RAB2A: variants seen among roughly 807,000 people sequenced by gnomAD.
RAB2A encodes the protein ras-related protein Rab-2A.
A neutral mutation model predicts 32.5 loss-of-function variants in RAB2A; 7 were observed. The ratio of observed to expected loss-of-function variants is 0.22; its 90% CI spans 0.12 to 0.40. The LOEUF is 0.40. RAB2A is among the 10% of genes least tolerant of loss of function. The pLI is 1.00. For missense variants in RAB2A, 108 were observed against 260.7 expected, an observed-to-expected ratio of 0.41 and a Z score of 4.03; for synonymous variants, 79 against 85.2, an observed-to-expected ratio of 0.93 and a Z score of 0.40.
At chr8:60,616,047 C>T (rs1037465255) in intron 6 of RAB2A, among the ~76,000 whole-genome samples, 2 of 152,012 alleles carry the variant, frequency 1.3e-5, no homozygotes, top group African/African-American at 4.8e-5. Flanking sequence ...GTAGCATTAT[C>T]CAAAGATTAT....
intron 1 of RAB2A, chr8:60,552,002 T>TTTTTTTTTTGTTTG (rs1491519770): frequency 1.0e-5 from 1 of 100,282 alleles, no homozygotes; most frequent in Non-Finnish European, 1.8e-5. Context: ...TAGCTGGGAG[T>TTTTTTTTTTGTTTG]TTTTTTTTTT....
intron 6 of RAB2A, among the ~76,000 whole-genome samples, chr8:60,613,471 G>C (rs952612745): frequency 6.6e-6 from 1 of 152,034 alleles, no homozygotes; most frequent in Non-Finnish European, 1.5e-5. Flanking sequence ...ATTTTCATTT[G>C]TTTTGTATGT....
Position 60,517,841 on chromosome 8 carries a change from C to A in RAB2A, c.46+588C>A, listed in dbSNP as rs562265484. Among the ~76,000 whole-genome samples the A allele has an allele frequency of 2.8e-4, 43 of 152,220 alleles. No individual in the cohort carries two copies. In the East Asian group the frequency reaches 8.3e-3, roughly 29 times the overall value. The stretch of plus-strand genomic sequence containing the variant: ...AAATATGCTTTTTTAACACCTTCAA[C>A]TCTCACGTCAGAATAAGTCACATCT... On this transcript the variant is annotated intron_variant, in intron 1 of 7. Coordinates refer to ENST00000262646, the MANE Select transcript of RAB2A (RefSeq NM_002865.3).
chr8:60,567,335 C>T (rs925432932), intron 2 of RAB2A, among the ~76,000 whole-genome samples: 2 of 152,038 alleles, frequency 1.3e-5, no homozygotes, highest in Admixed American at 1.3e-4. Flanking sequence ...AGGATGGTCT[C>T]GATCTCCTGA....
At chr8:60,524,691 AT>A (rs1563457852) in intron 1 of RAB2A, among the ~76,000 whole-genome samples, 2 of 152,202 alleles carry the variant, frequency 1.3e-5, no homozygotes, top group Admixed American at 6.5e-5. Flanking sequence ...GTTCTCATCC[AT>A]GGAAATGCTG....
rs1294184332 is a variant in RAB2A at position 60,622,244 on chromosome 8, C to CAT, written c.*1477_*1478dup. 2.6e-5 allele frequency: 4 copies of CAT among 152,176 alleles called. No individual in the cohort carries two copies. The highest frequency in any genetic ancestry group is 6.5e-5 in the Admixed American group (1 of 15,284). 9.4% of individuals were successfully genotyped at this position (152,176 alleles called of 1,614,324 possible). A position where few individuals can be genotyped will look rare whatever the true frequency, so the allele number is the denominator to read the frequency against. Reference sequence around the variant, plus strand: ...AAAAGCACTTATGCCTGAAAGAAAGCATAAAGAAGTTCTAACTCTGAAACT... The same window carrying CAT: ...AAAAGCACTTATGCCTGAAAGAAAGCATATAAAGAAGTTCTAACTCTGAAACT... On this transcript the variant is annotated 3_prime_UTR_variant, in exon 8 of 8. Transcript: ENST00000262646.
chr8:60,584,300 T>G lies in RAB2A; in HGVS notation c.269+10T>G, dbSNP rs752470517. 1 of 1,573,882 alleles carries G rather than the reference T, an allele frequency of 6.4e-7. No homozygotes were observed. On this transcript the variant is annotated intron_variant, in intron 4 of 7. Transcript: ENST00000262646. ...TTTACGATATTACACGGTGAGAACTTGAAAACTTTGCAATTCAGTAGTTGA... is the reference window on the plus strand; with the variant it reads ...TTTACGATATTACACGGTGAGAACTGGAAAACTTTGCAATTCAGTAGTTGA...
intron 2 of RAB2A, among the ~76,000 whole-genome samples, chr8:60,566,432 G>A (rs918915948): frequency 6.6e-6 from 1 of 151,070 alleles, no homozygotes; most frequent in Non-Finnish European, 1.5e-5. Context: ...TTTTTTGTTT[G>A]CTACTTTGAA....
At chr8:60,584,583 CA>C (rs1803818324) in intron 4 of RAB2A, 139 bp from the exon 5 acceptor site, 1 of 676,784 alleles carries the variant, frequency 1.5e-6, no homozygotes. Context: ...ACTCTAAACC[CA>C]GATATGGTGC....
Position 60,517,120 on chromosome 8 carries a change from G to A in RAB2A, c.-88G>A. On this transcript the variant is annotated 5_prime_UTR_variant, in exon 1 of 8. Coordinates refer to ENST00000262646, the MANE Select transcript of RAB2A (RefSeq NM_002865.3). Reference sequence around the variant, plus strand: ...GGCGGCGGGCGGCGCCTGGCGTTTCGAGGCTGAGCGGCACCGGGGTTGGGG... The same window carrying A: ...GGCGGCGGGCGGCGCCTGGCGTTTCAAGGCTGAGCGGCACCGGGGTTGGGG... The A allele has an allele frequency of 3.0e-6, 4 of 1,354,724 alleles. No individual in the cohort carries two copies. The highest frequency in any genetic ancestry group is 3.1e-5 in the East Asian group (1 of 32,366). The allele number at this position is 1,354,724 out of a possible 1,614,324, so 83.9% of individuals were successfully genotyped here. A position where few individuals can be genotyped will look rare whatever the true frequency, so the allele number is the denominator to read the frequency against.
intron 1 of RAB2A, among the ~76,000 whole-genome samples, chr8:60,546,800 C>A (rs577194658): frequency 6.6e-6 from 1 of 152,102 alleles, no homozygotes; most frequent in African/African-American, 2.4e-5. Flanking sequence ...TGCTTTTAAC[C>A]ACTACACAAT....
chr8:60,556,450 T>G (rs1424158182), intron 1 of RAB2A, among the ~76,000 whole-genome samples: 1 of 151,064 alleles, frequency 6.6e-6, no homozygotes, highest in African/African-American at 2.5e-5. Flanking sequence ...TATACATGTA[T>G]ATCACTCTTA....
chr8:60,518,752 TGTG>T (rs1325435616), intron 1 of RAB2A, among the ~76,000 whole-genome samples: 10 of 152,012 alleles, frequency 6.6e-5, no homozygotes, highest in African/African-American at 2.4e-4. Context: ...AGAAAAATGC[TGTG>T]GTGTATTTGG....
In RAB2A at chr8:60,572,056, C is replaced by T. The variant is rs368402545; in HGVS notation, c.129C>T (p.Phe43=). 5.9e-5 allele frequency: 95 copies of T among 1,606,438 alleles called. No individual in the cohort carries two copies. Among genetic ancestry groups the T allele is most frequent in the Admixed American group, 1.8e-4 (11 of 59,840 alleles). ...TCCTACTCTATTTAGGTGTAGAGTT[C>T]GGTGCTCGAATGATAACTATTGATG... ...PVHDLTIGVE[F]GARMITIDGK... The change falls in exon 3 of 8, where the codon TTC becomes TTT. Residue 43 remains phenylalanine (F), a synonymous_variant. Transcript: ENST00000262646.
At chr8:60,524,100 C>T (rs1807343013) in intron 1 of RAB2A, among the ~76,000 whole-genome samples, 1 of 152,050 alleles carries the variant, frequency 6.6e-6, no homozygotes, top group Admixed American at 6.6e-5. Context: ...AGGCTATTGT[C>T]CCTGTTGTTC....
intron 6 of RAB2A, among the ~76,000 whole-genome samples, chr8:60,612,003 C>G (rs578238694): frequency 5.3e-5 from 8 of 152,226 alleles, no homozygotes; most frequent in Admixed American, 4.6e-4. Context: ...GATACATGTG[C>G]TGAACATACA....
At chr8:60,586,500 T>C (rs1002630451) in intron 5 of RAB2A, among the ~76,000 whole-genome samples, 2 of 151,728 alleles carry the variant, frequency 1.3e-5, no homozygotes, top group African/African-American at 2.4e-5. Context: ...GAAAGAAAGG[T>C]TGACATCACT....
chr8:60,560,056 G>GT (rs1807997763), intron 2 of RAB2A, among the ~76,000 whole-genome samples: 1 of 152,156 alleles, frequency 6.6e-6, no homozygotes, highest in South Asian at 2.1e-4. Flanking sequence ...GGTAAAACAG[G>GT]TAACTCATGC....
Position 60,517,043 on chromosome 8 carries a change from C to A in RAB2A, c.-165C>A. 3 of 589,568 alleles carry A rather than the reference C, an allele frequency of 5.1e-6. No individual in the cohort carries two copies. The highest frequency in any genetic ancestry group is 8.3e-6 in the Non-Finnish European group (3 of 361,612). 36.5% of individuals were successfully genotyped at this position (589,568 alleles called of 1,614,324 possible). ...TCCCTCGGCTCTGCGGGTGTCAGTT[C>A]GTCCGGCTTCCTCACAGCCCCTCAC... On this transcript the variant is annotated 5_prime_UTR_variant, in exon 1 of 8. Coordinates refer to ENST00000262646, the MANE Select transcript of RAB2A (RefSeq NM_002865.3).
Sources: allele counts gnomAD v4.1 joint callset (sites outside exome capture counted in the v4.1 genomes callset), GRCh38; gene constraint gnomAD v4.1.1; transcripts MANE v1.5; gene names NCBI Gene and HGNC (gene_info 2026-07-23, HGNC 2026-07-21).